The following KCNH3 variants were observed in gnomAD, a reference collection of about 807,000 sequenced individuals.
KCNH3 encodes the protein voltage-gated inwardly rectifying potassium channel KCNH3.
A neutral mutation model predicts 95.6 loss-of-function variants in KCNH3; 36 were observed. The ratio of observed to expected loss-of-function variants is 0.38; its 90% CI spans 0.29 to 0.50. The LOEUF (loss-of-function observed/expected upper bound fraction) is 0.50, where lower values mean the gene tolerates loss of function less well. KCNH3 is among the 20% of genes least tolerant of loss of function. The probability of loss-of-function intolerance (pLI) is 0.95; values close to 1 mark genes in which losing one functional copy is unlikely to be tolerated. For synonymous variants in KCNH3, 620 were observed against 646.3 expected, an observed-to-expected ratio of 0.96 and a Z score of 0.62; for missense variants, 1,030 against 1,484.1, an observed-to-expected ratio of 0.69 and a Z score of 5.03.
chr12:49,542,578 T>G (rs1937906856), intron 3 of KCNH3, 128 bp from the exon 4 acceptor site: 2 of 1,155,150 alleles, frequency 1.7e-6, no homozygotes, highest in Admixed American at 2.9e-5. Context: ...AGCCCCCAAC[T>G]CTAAACATTC....
In KCNH3 at chr12:49,557,572, G is replaced by A. The variant is rs1938518405; in HGVS notation, c.2871G>A (p.Leu957=). 1.2e-6 allele frequency: 2 copies of A among 1,612,516 alleles called. No homozygotes were observed. Among genetic ancestry groups the A allele is most frequent in the Non-Finnish European group, 1.7e-6 (2 of 1,179,968 alleles). Residue 957 remains leucine (L), a synonymous_variant, in exon 15 of 15, where the codon TTG becomes TTA. Coordinates refer to ENST00000257981, the MANE Select transcript of KCNH3 (RefSeq NM_012284.3). ...YCLQPPAGSV[L]SGTWPHPRPG... ...TGCAGCCCCCAGCTGGCTCTGTCTT[G>A]AGTGGGACTTGGCCCCACCCTCGTC... is the stretch of plus-strand genomic sequence containing the variant.
chr12:49,557,309 C>G (rs1359879342), intron 14 of KCNH3, 45 bp from the exon 15 acceptor site: 12 of 1,613,394 alleles, frequency 7.4e-6, no homozygotes, highest in Middle Eastern at 1.6e-4. Context: ...GGAAGGCACT[C>G]CATGGCTGAC....
intron 13 of KCNH3, chr12:49,556,807 A>AATCT (rs952801079): frequency 7.7e-6 from 5 of 647,222 alleles, no homozygotes; most frequent in Non-Finnish European, 1.1e-5. Context: ...GCCTTAGCCC[A>AATCT]ATCTCTGGCT....
chr12:49,550,424 C>A, intron 10 of KCNH3, 95 bp downstream of exon 10: 1 of 1,451,448 alleles, frequency 6.9e-7, no homozygotes, highest in South Asian at 1.3e-5. Flanking sequence ...TCCACAAGGC[C>A]ACTGAGAGAG....
intron 7 of KCNH3, chr12:49,546,029 A>G (rs976211003): frequency 6.6e-6 from 1 of 151,732 alleles, no homozygotes; most frequent in African/African-American, 2.4e-5. Context: ...ACCACCCCCA[A>G]AGTGGGCTGA....
chr12:49,547,840 G>A (rs1565777592), intron 7 of KCNH3, among the ~76,000 whole-genome samples: 1 of 151,986 alleles, frequency 6.6e-6, no homozygotes, highest in Non-Finnish European at 1.5e-5. Flanking sequence ...CACCATTCTA[G>A]ATCAGCCAAT....
intron 7 of KCNH3, among the ~76,000 whole-genome samples, chr12:49,548,104 G>A (rs868615059): frequency 0.14 from 18,463 of 135,716 alleles, 1,346 homozygotes; most frequent in African/African-American, 0.29. Flanking sequence ...ACGTGTGTGT[G>A]TGTGTGTGTG....
Position 49,555,785 on chromosome 12 carries a change from C to T in KCNH3, c.2302C>T (p.Leu768=). The T allele has an allele frequency of 6.2e-7, 1 of 1,613,748 alleles. No individual in the cohort carries two copies. Among genetic ancestry groups the T allele is most frequent in the Non-Finnish European group, 8.5e-7 (1 of 1,179,926 alleles). Residue 768 remains leucine (L), a synonymous_variant, in exon 12 of 15, where the codon CTA becomes TTA. Transcript: ENST00000257981. ...CTSSSSAAKL[L]SPRRTAPRPR... The stretch of plus-strand genomic sequence containing the variant: ...CTCCTCATCCTCAGCTGCCAAGCTG[C>T]TATCCCCACGTCGAACAGCACCCCG...
chr12:49,543,145 A>G (rs1937931941), intron 4 of KCNH3, 130 bp from the exon 5 acceptor site: 18 of 1,034,450 alleles, frequency 1.7e-5, no homozygotes, highest in Non-Finnish European at 2.1e-5. Flanking sequence ...TGCTAATGCC[A>G]TCTCGAAGCA....
intron 3 of KCNH3, among the ~76,000 whole-genome samples, chr12:49,542,037 G>A (rs748135878): frequency 1.3e-5 from 2 of 152,214 alleles, no homozygotes; most frequent in Admixed American, 1.3e-4. Context: ...TGTGAAGCAG[G>A]TACTTTCTGA....
At position 49,539,376 on chromosome 12, in the gene KCNH3, G is replaced by C; in HGVS notation, c.-41G>C. 7.1e-7 allele frequency: 1 copy of C among 1,400,610 alleles called. No individual in the cohort carries two copies. Among genetic ancestry groups the C allele is most frequent in the Non-Finnish European group, 9.3e-7 (1 of 1,072,610 alleles). The allele number at this position is 1,400,610 out of a possible 1,614,324, so 86.8% of individuals were successfully genotyped here. On this transcript the variant is annotated 5_prime_UTR_variant, in exon 1 of 15. Transcript: ENST00000257981. This position sits in a 1 kb window ranked among gnomAD's most constrained non-coding sequence, Gnocchi z 6.7. ...CGCCCTCCCCCGGCGCGGAGTCCCC[G>C]CACCCCGGAGGGATGGGGCGGGCAG...
Position 49,549,607 on chromosome 12 carries a change from C to T in KCNH3, c.1635C>T (p.Thr545=), listed in dbSNP as rs781227387. ...GCATGCTGGAGTACTTCCAGGCCAC[C>T]TGGGCGGTGAACAATGGCATCGACA... is the stretch of plus-strand genomic sequence containing the variant. ...KQRMLEYFQA[T]WAVNNGIDTT... Residue 545 remains threonine, a synonymous_variant, in exon 9 of 15, where the codon ACC becomes ACT. Coordinates refer to ENST00000257981, the MANE Select transcript of KCNH3 (RefSeq NM_012284.3). 6.2e-7 allele frequency: 1 copy of T among 1,611,702 alleles called. No homozygotes were observed. Among genetic ancestry groups the T allele is most frequent in the East Asian group, 2.2e-5 (1 of 44,886 alleles).
At chr12:49,541,544 G>A in intron 2 of KCNH3, 86 bp from the exon 3 acceptor site, 4 of 1,506,218 alleles carry the variant, frequency 2.7e-6, no homozygotes, top group Non-Finnish European at 2.7e-6. Context: ...CCTGTGTCTT[G>A]CCCGGGATGT....
At chr12:49,545,403 C>CTT (rs869243854) in intron 7 of KCNH3, among the ~76,000 whole-genome samples, 115 of 117,470 alleles carry the variant, frequency 9.8e-4, no homozygotes, top group Non-Finnish European at 1.3e-3. Flanking sequence ...ATGCAGGTGG[C>CTT]TTTTTTTTTT....
At position 49,556,460 on chromosome 12, in the gene KCNH3, C is replaced by A; in HGVS notation, c.2559C>A (p.Ser853Arg). 1 of 1,613,668 alleles carries A rather than the reference C, an allele frequency of 6.2e-7. No individual in the cohort carries two copies. The highest frequency in any genetic ancestry group is 1.3e-5 in the African/African-American group (1 of 75,040). The part of the protein sequence containing the change: ...VGQSGPECSS[S>R]PSPGPESGLL... The stretch of plus-strand genomic sequence containing the variant: ...AGTCTGGCCCGGAATGTAGCAGCAG[C>A]CCCTCCCCTGGACCAGGTACCAGGG... The change falls in exon 13 of 15, where the codon AGC becomes AGA. Residue 853 changes from serine to arginine, a missense_variant. Coordinates refer to ENST00000257981, the MANE Select transcript of KCNH3 (RefSeq NM_012284.3).
intron 8 of KCNH3, 44 bp from the exon 9 acceptor site, chr12:49,549,397 G>C: frequency 6.2e-7 from 1 of 1,600,174 alleles, no homozygotes; most frequent in Non-Finnish European, 8.6e-7. Context: ...GTGTCAGGCC[G>C]GGCCAGGTCC....
At position 49,543,623 on chromosome 12, in the gene KCNH3, T is replaced by G. The variant is rs932797268; in HGVS notation, c.823+105T>G. 14 of 1,427,194 alleles carry G rather than the reference T, an allele frequency of 9.8e-6. No individual in the cohort carries two copies. In the African/African-American group the frequency reaches 1.4e-4, roughly 14 times the overall value. The allele number at this position is 1,427,194 out of a possible 1,614,324, so 88.4% of individuals were successfully genotyped here. ...GGGTGCTACAGTGCCCCCCTCGCTC[T>G]CTCTCATTTGTAACCTGTGAGCTTT... is the stretch of plus-strand genomic sequence containing the variant. On this transcript the variant is annotated intron_variant, in intron 5 of 14. Transcript: ENST00000257981.
intron 1 of KCNH3, 47 bp from the exon 2 acceptor site, chr12:49,540,852 T>A: frequency 6.6e-7 from 1 of 1,505,928 alleles, no homozygotes; most frequent in Non-Finnish European, 9.2e-7. Flanking sequence ...GTGGTAGGCC[T>A]CCTGCCCCTT....
chr12:49,557,784 G>A lies in KCNH3; in HGVS notation c.3083G>A (p.Gly1028Glu), dbSNP rs1335555908. Residue 1028 changes from glycine (G) to glutamate (E), a missense_variant, in exon 15 of 15, where the codon GGG becomes GAG. Physicochemically the swap from Gly to Glu is moderately conservative, Grantham distance 98. Transcript: ENST00000257981. Reference protein sequence around the residue: ...PPPSEEGARTGPAEPVSQAEA... With the variant: ...PPPSEEGARTEPAEPVSQAEA... ...CCTTCTGAGGAAGGGGCTAGGACTG[G>A]GCCCGCAGAGCCTGTGAGCCAGGCT... The A allele has an allele frequency of 6.2e-7, 1 of 1,607,196 alleles. No homozygotes were observed. The highest frequency in any genetic ancestry group is 2.2e-5 in the East Asian group (1 of 44,656).
Sources: allele counts gnomAD v4.1 joint callset (sites outside exome capture counted in the v4.1 genomes callset), GRCh38; gene constraint gnomAD v4.1.1; non-coding constraint Gnocchi (gnomAD v3.1); transcripts MANE v1.5; gene names NCBI Gene and HGNC (gene_info 2026-07-23, HGNC 2026-07-21).